The following TIAM1 variants were observed in gnomAD, a reference collection of about 807,000 sequenced individuals.
TIAM1 encodes the protein rho guanine nucleotide exchange factor TIAM1.
In TIAM1, 65 loss-of-function variants were observed where a neutral mutation model predicts 163.5. That is an observed-to-expected ratio of 0.40 (90% confidence interval 0.33 to 0.49). The LOEUF is 0.49. TIAM1 is among the 20% of genes least tolerant of loss of function. TIAM1 has a pLI of 0.77. For synonymous variants in TIAM1, 833 were observed against 810.1 expected (o/e 1.03, Z -0.48); for missense variants, 1,789 against 2,044.7 (o/e 0.87, Z 2.41).
intron 15 of TIAM1, among the ~76,000 whole-genome samples, chr21:31,168,754 GGTA>G (rs2084365667): frequency 6.6e-6 from 1 of 152,058 alleles, no homozygotes; most frequent in South Asian, 2.1e-4. Context: ...CAAGGCATCT[GGTA>G]GGAGCAAAAA....
In TIAM1 at chr21:31,444,995, T is replaced by C. The variant is rs1187275966; in HGVS notation, c.-369+18988A>G. Among the ~76,000 whole-genome samples the C allele has an allele frequency of 7.0e-5, 8 of 114,866 alleles. No individual in the cohort carries two copies. The Admixed American group carries it at 8.0e-4, about 12-fold the overall frequency. 75.4% of individuals were successfully genotyped at this position (114,866 alleles called of 152,430 possible). A position where few individuals can be genotyped will look rare whatever the true frequency, so the allele number is the denominator to read the frequency against. ...CCTGGGCAACAAGAGCGAAATTACA[T>C]CTAAAAAAAAAAGGAAAACAAAGAA... On this transcript the variant is annotated intron_variant, in intron 2 of 28. Coordinates refer to the TIAM1 transcript ENST00000286827.
At chr21:31,536,807 A>G (rs2048150597) in intron 1 of TIAM1, among the ~76,000 whole-genome samples, 1 of 152,006 alleles carries the variant, frequency 6.6e-6, no homozygotes, top group Admixed American at 6.6e-5. Flanking sequence ...GAGACAGCTG[A>G]CCTCCCATGG....
intron 1 of TIAM1, among the ~76,000 whole-genome samples, chr21:31,543,899 G>T (rs981995948): frequency 6.9e-6 from 1 of 145,164 alleles, no homozygotes; most frequent in Non-Finnish European, 1.5e-5. Context: ...CATATTACAC[G>T]TCCTTAACCA....
At chr21:31,222,806 C>T (rs1456836509) in intron 8 of TIAM1, among the ~76,000 whole-genome samples, 1 of 145,588 alleles carries the variant, frequency 6.9e-6, no homozygotes, top group Non-Finnish European at 1.5e-5. Context: ...TGACAACCTC[C>T]TCCTAGGTTC....
At chr21:31,529,599 C>T (rs2047909255) in intron 1 of TIAM1, among the ~76,000 whole-genome samples, 1 of 152,206 alleles carries the variant, frequency 6.6e-6, no homozygotes, top group African/African-American at 2.4e-5. Context: ...TGGGTCAGGG[C>T]TACCTGCCCA....
At chr21:31,373,473 C>G (rs4817396) in intron 2 of TIAM1, among the ~76,000 whole-genome samples, 69,624 of 151,896 alleles carry the variant, frequency 0.46, 16,193 homozygotes, top group Middle Eastern at 0.68. Flanking sequence ...AAATGAGAGA[C>G]AAGCAAAAGC....
At chr21:31,419,996 C>A (rs1182205290) in intron 2 of TIAM1, among the ~76,000 whole-genome samples, 1 of 152,170 alleles carries the variant, frequency 6.6e-6, no homozygotes, top group African/African-American at 2.4e-5. Context: ...CTGCAGCGAG[C>A]CAAGATCGTG....
chr21:31,137,360 T>A (rs139957613), intron 22 of TIAM1, among the ~76,000 whole-genome samples: 134 of 152,338 alleles, frequency 8.8e-4, no homozygotes, highest in Non-Finnish European at 1.6e-3. Context: ...ATTAGTACAA[T>A]CAAGGGTTAA....
chr21:31,336,508 T>A (rs1469527318), intron 2 of TIAM1, among the ~76,000 whole-genome samples: 1 of 137,932 alleles, frequency 7.2e-6, no homozygotes, highest in Non-Finnish European at 1.6e-5. Context: ...TTTTTTTTTT[T>A]TAGTTTTGCT....
chr21:31,202,744 A>G (rs377596656), intron 12 of TIAM1, among the ~76,000 whole-genome samples, 164 bp downstream of exon 12: 3 of 152,192 alleles, frequency 2.0e-5, no homozygotes, highest in Admixed American at 6.5e-5. Context: ...TCCACTCTGG[A>G]ATACTGAGCT....
At chr21:31,452,858 C>G in intron 2 of TIAM1, 1 of 521,428 alleles carries the variant, frequency 1.9e-6, no homozygotes, top group African/African-American at 1.9e-5. Context: ...ACTATCAAGA[C>G]CTGGAAAAAG....
At chr21:31,549,473 T>TA (rs71812004) in intron 1 of TIAM1, among the ~76,000 whole-genome samples, 60,339 of 151,688 alleles carry the variant, frequency 0.4, 12,345 homozygotes, top group Middle Eastern at 0.48. Flanking sequence ...AACTTATTAA[T>TA]AAAAAAAAAT....
chr21:31,408,195 G>A (rs1249595075), intron 2 of TIAM1, among the ~76,000 whole-genome samples: 1 of 152,162 alleles, frequency 6.6e-6, no homozygotes, highest in Non-Finnish European at 1.5e-5. Context: ...TTTACTATGT[G>A]TCTGTCTATC....
intron 4 of TIAM1, among the ~76,000 whole-genome samples, chr21:31,262,039 C>T (rs889462853): frequency 2.0e-5 from 3 of 152,192 alleles, no homozygotes; most frequent in Non-Finnish European, 4.4e-5. Context: ...CTCCATCAAA[C>T]GGCAGGTTTC....
At chr21:31,270,755 G>A (rs2073020591) in intron 3 of TIAM1, among the ~76,000 whole-genome samples, 1 of 152,194 alleles carries the variant, frequency 6.6e-6, no homozygotes, top group African/African-American at 2.4e-5. Context: ...GTTATCGTTA[G>A]TGTTAGTGTA....
intron 2 of TIAM1, among the ~76,000 whole-genome samples, chr21:31,412,395 T>G (rs550743020): frequency 2.5e-4 from 38 of 152,212 alleles, no homozygotes; most frequent in African/African-American, 9.2e-4. Context: ...AGGGACCGGT[T>G]TCATGGAAGA....
At chr21:31,267,079 C>G in intron 3 of TIAM1, 96 bp from the exon 4 acceptor site, 1 of 1,477,742 alleles carries the variant, frequency 6.8e-7, no homozygotes, top group South Asian at 1.4e-5. Context: ...GAGGGCAGAA[C>G]ACCTTGGCTC....
intron 13 of TIAM1, 47 bp from the exon 14 acceptor site, chr21:31,187,134 T>G (rs1279544320): frequency 6.3e-7 from 1 of 1,576,170 alleles, no homozygotes; most frequent in African/African-American, 1.3e-5. Flanking sequence ...ACCTTCTGAA[T>G]GTTTAGCAAA....
At chr21:31,333,170 T>C (rs113064446) in intron 2 of TIAM1, among the ~76,000 whole-genome samples, 2 of 152,326 alleles carry the variant, frequency 1.3e-5, no homozygotes, top group African/African-American at 4.8e-5. Context: ...CCACAGAGGC[T>C]AGGGTTTCTC....
Sources: allele counts gnomAD v4.1 joint callset (sites outside exome capture counted in the v4.1 genomes callset), GRCh38; gene constraint gnomAD v4.1.1; transcripts MANE v1.5; gene names NCBI Gene and HGNC (gene_info 2026-07-23, HGNC 2026-07-21).